Variants in ZBBX observed in about 807,000 individuals in gnomAD.
ZBBX encodes zinc finger B-box domain containing.
A neutral mutation model predicts 108.5 loss-of-function variants in ZBBX; 101 were observed. The observed-to-expected ratio is 0.93, with a 90% CI of 0.79 to 1.10. The LOEUF (loss-of-function observed/expected upper bound fraction) is 1.10. ZBBX is among the 50% of genes least tolerant of loss of function. The probability of loss-of-function intolerance (pLI) is 0.00; values close to 1 mark genes in which losing one functional copy is unlikely to be tolerated. For synonymous variants in ZBBX, 356 were observed against 323.4 expected (o/e 1.10, Z -1.08); for missense variants, 1,009 against 941.4 (o/e 1.07, Z -0.94).
chr3:167,184,616 G>T, the ZBBX span, among the ~76,000 whole-genome samples: 1 of 152,092 alleles, frequency 6.6e-6, no homozygotes, highest in Non-Finnish European at 1.5e-5. Context: ...AGGTCCAGGA[G>T]TCCTCATAAT....
the ZBBX span, among the ~76,000 whole-genome samples, chr3:167,225,090 A>G: frequency 1.3e-5 from 2 of 151,888 alleles, no homozygotes; most frequent in Admixed American, 6.6e-5. Flanking sequence ...CAAGGAAAGG[A>G]CAAAGGCAGT....
chr3:167,239,934 T>G lies in ZBBX; in HGVS notation c.*859A>C, dbSNP rs1720407446. On this transcript the variant is annotated 3_prime_UTR_variant, in exon 22 of 22. Transcript: ENST00000675490. Reference sequence around the variant, plus strand: ...CATGGTGAAAGGGGAAGCAAACACATTCTTCTTCAAGTGGAGCAGCAAAGA... The same window carrying G: ...CATGGTGAAAGGGGAAGCAAACACAGTCTTCTTCAAGTGGAGCAGCAAAGA... Among the ~76,000 whole-genome samples the G allele has an allele frequency of 6.6e-6, 1 of 152,076 alleles. No individual in the cohort carries two copies. The highest frequency in any genetic ancestry group is 1.5e-5 in the Non-Finnish European group (1 of 67,996).
chr3:167,384,480 CA>C (rs961729079), upstream of ZBBX, among the ~76,000 whole-genome samples: 7 of 151,936 alleles, frequency 4.6e-5, no homozygotes, highest in Admixed American at 6.6e-5. Flanking sequence ...GTCAAGAAGG[CA>C]GGGCAGACTG....
intron 1 of ZBBX, among the ~76,000 whole-genome samples, chr3:167,397,462 A>G (rs1189949368): frequency 6.6e-6 from 1 of 151,996 alleles, no homozygotes; most frequent in Non-Finnish European, 1.5e-5. Context: ...AAAAATTATC[A>G]GAATGGATTA....
chr3:167,321,864 G>A (rs1302143040), intron 12 of ZBBX, among the ~76,000 whole-genome samples: 1 of 151,694 alleles, frequency 6.6e-6, no homozygotes, highest in South Asian at 2.1e-4. Flanking sequence ...ATTCATTTCT[G>A]CATTTGCGCC....
intron 19 of ZBBX, 132 bp downstream of exon 19, chr3:167,288,735 G>A (rs1020632100): frequency 4.3e-6 from 2 of 462,724 alleles, no homozygotes; most frequent in Non-Finnish European, 7.5e-6. Context: ...AGGACATTTA[G>A]TTAAAATGAA....
intron 20 of ZBBX, among the ~76,000 whole-genome samples, chr3:167,272,704 CA>C (rs1726749818): frequency 1.3e-5 from 2 of 152,138 alleles, no homozygotes; most frequent in African/African-American, 4.8e-5. Context: ...TAGAGATCTC[CA>C]AAGTCAGAGG....
At chr3:167,260,298 T>C (rs1352547760) in intron 20 of ZBBX, among the ~76,000 whole-genome samples, 1 of 152,190 alleles carries the variant, frequency 6.6e-6, no homozygotes, top group Non-Finnish European at 1.5e-5. Flanking sequence ...GATAACCTCA[T>C]GGAAATGTAC....
intron 20 of ZBBX, among the ~76,000 whole-genome samples, chr3:167,265,765 G>A (rs189603350): frequency 3.9e-4 from 60 of 152,318 alleles, no homozygotes; most frequent in Non-Finnish European, 6.3e-4. Context: ...AGTTCTGACC[G>A]CTGGAATGGA....
intron 10 of ZBBX, among the ~76,000 whole-genome samples, chr3:167,332,134 A>G (rs1486087034): frequency 6.6e-6 from 1 of 152,160 alleles, no homozygotes; most frequent in Non-Finnish European, 1.5e-5. Context: ...TATGATGCTT[A>G]TTACAGTTGG....
At chr3:167,232,195 TAACAGTGC>T in the ZBBX span, among the ~76,000 whole-genome samples, 3 of 151,836 alleles carry the variant, frequency 2.0e-5, no homozygotes, top group Non-Finnish European at 1.5e-5. Flanking sequence ...GTCTTTTACA[TAACAGTGC>T]AATGAACTGT....
chr3:167,282,261 A>G lies in ZBBX; in HGVS notation c.2231T>C (p.Leu744Ser). 1 of 1,612,670 alleles carries G rather than the reference A, an allele frequency of 6.2e-7. No homozygotes were observed. Among genetic ancestry groups the G allele is most frequent in the Non-Finnish European group, 8.5e-7 (1 of 1,179,514 alleles). ...QHTLDNLEKE[L>S]QVLRSLADTS... ...ACCTGCAAGAGATCTCAGCACTTGT[A>G]ATTCTTTTTCCAAATTGTCTAAAGT... The change falls in exon 20 of 22, where the codon TTA becomes TCA. Residue 744 changes from leucine to serine, a missense_variant. By Grantham distance (145) the Leu-to-Ser change is moderately radical. Transcript: ENST00000675490.
chr3:167,375,867 A>G (rs1228008267), intron 2 of ZBBX, among the ~76,000 whole-genome samples: 3 of 152,234 alleles, frequency 2.0e-5, no homozygotes, highest in Non-Finnish European at 4.4e-5. Flanking sequence ...TAAATAAGGT[A>G]GCGGTTGCCT....
In ZBBX at chr3:167,314,025, A is replaced by C. The variant is rs375036699; in HGVS notation, c.1366T>G (p.Leu456Val). 2.5e-6 allele frequency: 4 copies of C among 1,607,056 alleles called. No individual in the cohort carries two copies. The highest frequency in any genetic ancestry group is 1.7e-4 in the Middle Eastern group (1 of 6,060). ...GAGCTGTTTCTCAGACAAAGATTTA[A>C]GAAGTCTCTCTTTCCCTTATCGAAA... Reference protein sequence around the residue: ...HVFDKGKRDFLNLCLRNSSTY... With the variant: ...HVFDKGKRDFVNLCLRNSSTY... The change falls in exon 16 of 22, where the codon TTA (leucine) becomes GTA (valine). Residue 456 changes from leucine (L) to valine (V), a missense_variant. Physicochemically the swap from Leu to Val is conservative, Grantham distance 32 (BLOSUM62 1). Coordinates refer to ENST00000675490, the MANE Select transcript of ZBBX (RefSeq NM_001199201.2).
At chr3:167,289,322 C>T (rs1355806152) in intron 18 of ZBBX, among the ~76,000 whole-genome samples, 3 of 152,004 alleles carry the variant, frequency 2.0e-5, no homozygotes, top group Admixed American at 1.3e-4. Context: ...GAGAAGATGG[C>T]CAAATAGGAA....
chr3:167,397,142 T>TAAAAAAAAAAAAAAAAAAA (rs61671930), intron 1 of ZBBX, among the ~76,000 whole-genome samples: 11 of 72,412 alleles, frequency 1.5e-4, no homozygotes, highest in Admixed American at 3.2e-4. Context: ...TTCTTGGTGG[T>TAAAAAAAAAAAAAAAAAAA]AAAAAAAAAA....
At chr3:167,357,194 C>G (rs774314850) in intron 8 of ZBBX, among the ~76,000 whole-genome samples, 36 of 151,886 alleles carry the variant, frequency 2.4e-4, no homozygotes, top group Non-Finnish European at 4.7e-4. Context: ...TGTGGCATTC[C>G]AACATTAAGA....
At chr3:167,202,274 A>G in the ZBBX span, among the ~76,000 whole-genome samples, 1 of 152,298 alleles carries the variant, frequency 6.6e-6, no homozygotes, top group South Asian at 2.1e-4. Context: ...TAAATAATGT[A>G]CAAGGGCAGA....
intron 16 of ZBBX, 142 bp downstream of exon 16, chr3:167,313,832 A>G (rs1240865421): frequency 2.7e-6 from 2 of 753,118 alleles, no homozygotes; most frequent in Non-Finnish European, 3.9e-6. Context: ...TTACTAGAAA[A>G]TTATATTTTC....
Sources: gnomAD v4.1 joint callset for allele counts (sites outside exome capture counted in the v4.1 genomes callset) on GRCh38, gnomAD v4.1.1 for gene constraint, MANE v1.5 for transcripts, NCBI Gene and HGNC (gene_info 2026-07-23, HGNC 2026-07-21) for gene names.